Variants in FAT1 observed in about 807,000 individuals in gnomAD.
FAT1 encodes the protein FAT atypical cadherin 1.
Under a neutral mutation model 329.8 loss-of-function variants are expected in FAT1, and 171 were observed. The observed-to-expected ratio is 0.52, with a 90% CI of 0.46 to 0.59. The LOEUF (loss-of-function observed/expected upper bound fraction) is 0.59. FAT1 is among the 20% of genes least tolerant of loss of function. The probability of loss-of-function intolerance (pLI) is 0.00; values close to 1 mark genes in which losing one functional copy is unlikely to be tolerated. For synonymous variants in FAT1, 2,233 were observed against 2,228.6 expected (o/e 1.00, Z -0.06); for missense variants, 5,672 against 5,774.4 (o/e 0.98, Z 0.57).
At chr4:186,606,872 A>G (rs1471715507) in intron 16 of FAT1, among the ~76,000 whole-genome samples, 2 of 152,256 alleles carry the variant, frequency 1.3e-5, no homozygotes, top group African/African-American at 4.8e-5. Flanking sequence ...TAGATCCCAG[A>G]GTATGTTCTA....
chr4:186,641,640 C>T (rs1048306491), intron 3 of FAT1, among the ~76,000 whole-genome samples: 3 of 152,228 alleles, frequency 2.0e-5, no homozygotes, highest in Admixed American at 6.5e-5. Flanking sequence ...GCAAATACAA[C>T]TCCCCACTTC....
intron 2 of FAT1, among the ~76,000 whole-genome samples, chr4:186,693,841 T>C (rs1173371223): frequency 6.6e-6 from 1 of 152,220 alleles, no homozygotes; most frequent in Admixed American, 6.5e-5. Context: ...CCTACACTTA[T>C]TCCACTTGAG....
intron 2 of FAT1, among the ~76,000 whole-genome samples, chr4:186,700,245 C>G (rs1415757964): frequency 6.6e-6 from 1 of 152,190 alleles, no homozygotes; most frequent in Non-Finnish European, 1.5e-5. Flanking sequence ...ACAAGAAAAG[C>G]CTTCCAACAA....
rs770573765 is a variant in FAT1 at position 186,619,379 on chromosome 4, C to A, written c.7207G>T (p.Ala2403Ser). The A allele has an allele frequency of 1.9e-6, 3 of 1,613,952 alleles. No homozygotes were observed. The highest frequency in any genetic ancestry group is 2.2e-5 in the South Asian group (2 of 91,078). ...QIYEARISEH[A>S]PHGHFVTCVK... Reference sequence around the variant, plus strand: ...CAGGTCACGAAATGCCCATGAGGGGCGTGCTCGCTAATTCTGGCTTCATAA... The same window carrying A: ...CAGGTCACGAAATGCCCATGAGGGGAGTGCTCGCTAATTCTGGCTTCATAA... The change falls in exon 10 of 27, where the codon GCC (alanine) becomes TCC (serine). Residue 2403 changes from alanine (A) to serine (S), a missense_variant. Physicochemically the swap from Ala to Ser is moderately conservative, Grantham distance 99. Around this residue, in one of 2 missense-constraint regions of FAT1, gnomAD observed 3,966 missense variants for 3,915.2 expected, o/e 1.01. Coordinates refer to ENST00000441802, the MANE Select transcript of FAT1 (RefSeq NM_005245.4).
chr4:186,659,382 T>C (rs913221629), intron 3 of FAT1, among the ~76,000 whole-genome samples: 1 of 152,244 alleles, frequency 6.6e-6, no homozygotes, highest in Non-Finnish European at 1.5e-5. Context: ...CTCTAGCTGC[T>C]GGACGTTTAG....
At chr4:186,629,446 T>G (rs556769062) in intron 7 of FAT1, among the ~76,000 whole-genome samples, 1 of 152,334 alleles carries the variant, frequency 6.6e-6, no homozygotes, top group African/African-American at 2.4e-5. Flanking sequence ...GTTAAGAAAC[T>G]TGGTACTAAG....
intron 1 of FAT1, among the ~76,000 whole-genome samples, chr4:186,716,583 A>C (rs922048079): frequency 1.3e-5 from 2 of 151,760 alleles, no homozygotes; most frequent in African/African-American, 4.8e-5. Context: ...ATGCCCAGCT[A>C]ATTTTTTGTA....
At position 186,620,113 on chromosome 4, in the gene FAT1, T is replaced by A. The variant is rs1333304324; in HGVS notation, c.6473A>T (p.Asp2158Val). The change falls in exon 10 of 27, where the codon GAT becomes GTT. Residue 2158 changes from aspartate to valine, a missense_variant. This residue lies in a region of FAT1 where 3,966 missense variants were observed against 3,915.2 expected (regional missense o/e 1.01). Transcript: ENST00000441802. ...KEYLVTVVAKDGGNPAFSAEV... is the reference protein window; with the variant it reads ...KEYLVTVVAKVGGNPAFSAEV... ...CGCTGAAAAGGCCGGGTTCCCTCCATCTTTTGCAACCACTGTAACAAGATA... is the reference window on the plus strand; with the variant it reads ...CGCTGAAAAGGCCGGGTTCCCTCCAACTTTTGCAACCACTGTAACAAGATA... 1 of 1,613,918 alleles carries A rather than the reference T, an allele frequency of 6.2e-7. No individual in the cohort carries two copies. The highest frequency in any genetic ancestry group is 1.3e-5 in the African/African-American group (1 of 74,932).
intron 3 of FAT1, among the ~76,000 whole-genome samples, chr4:186,659,573 G>A (rs987284338): frequency 5.9e-5 from 9 of 152,130 alleles, no homozygotes; most frequent in African/African-American, 2.2e-4. Context: ...CCTGTCCCCT[G>A]AACGACGCTG....
At chr4:186,723,890 G>T (rs1745597816), upstream of FAT1, 1 of 150,152 alleles carries the variant, frequency 6.7e-6, no homozygotes, top group South Asian at 2.1e-4. Flanking sequence ...CCCCGGCCCC[G>T]CCCGCCGGCG....
chr4:186,687,120 C>T (rs139916698), intron 2 of FAT1, among the ~76,000 whole-genome samples: 191 of 152,080 alleles, frequency 1.3e-3, no homozygotes, highest in African/African-American at 4.2e-3. Flanking sequence ...GGACAAAGAT[C>T]GAGAAAAGGT....
At chr4:186,613,579 C>T (rs998819937) in intron 12 of FAT1, among the ~76,000 whole-genome samples, 1 of 152,174 alleles carries the variant, frequency 6.6e-6, no homozygotes, top group African/African-American at 2.4e-5. Context: ...GGGCCTCTCA[C>T]CTTGTGTATA....
At position 186,621,068 on chromosome 4, in the gene FAT1, T is replaced by C. The variant is rs1384682548; in HGVS notation, c.5518A>G (p.Thr1840Ala). 2 of 1,613,340 alleles carry C rather than the reference T, an allele frequency of 1.2e-6. No individual in the cohort carries two copies. Among genetic ancestry groups the C allele is most frequent in the Non-Finnish European group, 1.7e-6 (2 of 1,179,896 alleles). Reference protein sequence around the residue: ...HTVLSLDYEETSIFHFTVQVH... With the variant: ...HTVLSLDYEEASIFHFTVQVH... ...TGGACGGTAAAGTGAAAAATACTTG[T>C]TTCTTCATAGTCCAGACTTAGTACT... Residue 1840 changes from threonine to alanine, a missense_variant, in exon 10 of 27, where the codon ACA becomes GCA. By Grantham distance (58) the Thr-to-Ala change is moderately conservative. Coordinates refer to ENST00000441802, the MANE Select transcript of FAT1 (RefSeq NM_005245.4).
In FAT1 at chr4:186,707,805, C is replaced by T. The variant is rs2126691471; in HGVS notation, c.2023G>A (p.Glu675Lys). ...ASHKLVNLQC[E>K]ETGVAKMLAE... ...AGCATTTTGGCAACACCAGTCTCTT[C>T]ACACTGCAAGTTTACCAGCTTGTGA... The change falls in exon 2 of 27, where the codon GAA becomes AAA. Residue 675 changes from glutamate (E) to lysine (K), a missense_variant. Coordinates refer to ENST00000441802, the MANE Select transcript of FAT1 (RefSeq NM_005245.4). 6.2e-7 allele frequency: 1 copy of T among 1,613,690 alleles called. No homozygotes were observed. The highest frequency in any genetic ancestry group is 8.5e-7 in the Non-Finnish European group (1 of 1,179,908).
At chr4:186,637,192 A>G (rs1029221897) in intron 4 of FAT1, among the ~76,000 whole-genome samples, 1 of 152,160 alleles carries the variant, frequency 6.6e-6, no homozygotes, top group South Asian at 2.1e-4. Context: ...CTCTTCTCGC[A>G]TTAGTTTAAG....
chr4:186,661,900 A>G (rs902735153), intron 3 of FAT1, among the ~76,000 whole-genome samples: 11 of 152,058 alleles, frequency 7.2e-5, no homozygotes, highest in Admixed American at 1.3e-4. Flanking sequence ...ACTCTTGGGA[A>G]CTGAGCCCTT....
intron 2 of FAT1, among the ~76,000 whole-genome samples, chr4:186,692,324 T>TTTA (rs1329374253): frequency 1.5e-5 from 2 of 133,550 alleles, no homozygotes; most frequent in African/African-American, 6.4e-5. Flanking sequence ...TATTTATTTA[T>TTTA]TTTTTTGAGA....
Position 186,603,454 on chromosome 4 carries a change from T to C in FAT1, c.11072A>G (p.His3691Arg). 2.5e-6 allele frequency: 4 copies of C among 1,614,002 alleles called. No individual in the cohort carries two copies. The South Asian group carries it at 4.4e-5, about 18-fold the overall frequency. ...VSLQSSEPHP[H>R]LDVLLFVEKP... The stretch of plus-strand genomic sequence containing the variant: ...CTCTACAAAAAGTAAGACGTCCAGA[T>C]GTGGGTGAGGTTCAGAGGACTGCAA... The change falls in exon 19 of 27, where the codon CAT becomes CGT. Residue 3691 changes from histidine to arginine, a missense_variant. By Grantham distance (29) the His-to-Arg change is conservative. Coordinates refer to ENST00000441802, the MANE Select transcript of FAT1 (RefSeq NM_005245.4).
intron 2 of FAT1, among the ~76,000 whole-genome samples, chr4:186,698,377 T>C (rs979172138): frequency 2.0e-5 from 3 of 152,182 alleles, no homozygotes; most frequent in African/African-American, 7.2e-5. Flanking sequence ...CCATTATGCA[T>C]TGAGTGCCTG....
Sources: gnomAD v4.1 joint callset for allele counts (sites outside exome capture counted in the v4.1 genomes callset) on GRCh38, gnomAD v4.1.1 for gene constraint, gnomAD v4.1.1 regional missense constraint, MANE v1.5 for transcripts, NCBI Gene and HGNC (gene_info 2026-07-23, HGNC 2026-07-21) for gene names.